Variants in NIBAN1 observed in about 807,000 individuals in gnomAD.
NIBAN1 encodes the protein protein Niban 1.
In NIBAN1, 81 loss-of-function variants were observed where a neutral mutation model predicts 75.1. The observed-to-expected ratio is 1.08, with a 90% CI of 0.90 to 1.30. NIBAN1 has a LOEUF of 1.30. Among genes scored for constraint, NIBAN1 ranks in the 50% most tolerant of loss-of-function variants. The pLI, the probability that NIBAN1 is intolerant of heterozygous loss-of-function variation, is 0.00. For synonymous variants in NIBAN1, 436 were observed against 424.8 expected, an observed-to-expected ratio of 1.03 and a Z score of -0.32; for missense variants, 1,133 against 1,128.1, an observed-to-expected ratio of 1.00 and a Z score of -0.06.
chr1:184,863,653 T>A (rs951173765), intron 5 of NIBAN1, among the ~76,000 whole-genome samples: 1 of 152,206 alleles, frequency 6.6e-6, no homozygotes, highest in Non-Finnish European at 1.5e-5. Flanking sequence ...AAGATTTTTT[T>A]CCTCCCTTCA....
At chr1:184,889,442 C>CT (rs796199257) in intron 4 of NIBAN1, among the ~76,000 whole-genome samples, 16 of 148,962 alleles carry the variant, frequency 1.1e-4, no homozygotes, top group South Asian at 2.1e-4. Context: ...TAATGCAATG[C>CT]TTTTTTTTTT....
In NIBAN1 at chr1:184,818,777, G is replaced by A; in HGVS notation, c.1034C>T (p.Pro345Leu). 1 of 1,610,770 alleles carries A rather than the reference G, an allele frequency of 6.2e-7. No homozygotes were observed. Among genetic ancestry groups the A allele is most frequent in the East Asian group, 2.2e-5 (1 of 44,822 alleles). ...CTCCTCCAGGATGGATGCCAGGAAT[G>A]GCTGCACACTCTCCAAGCAGCTTTT... ...AEKSCLESVQ[P>L]FLASILEELM... The change falls in exon 9 of 14, where the codon CCA becomes CTA. Residue 345 changes from proline to leucine, a missense_variant. Coordinates refer to ENST00000367511, the MANE Select transcript of NIBAN1 (RefSeq NM_052966.4).
rs10658216 is a variant in NIBAN1 at position 184,871,347 on chromosome 1, C to CAAA, written c.601+13283_601+13285dup. Among the ~76,000 whole-genome samples the CAAA allele has an allele frequency of 5.8e-3, 200 of 34,454 alleles. 4 individuals are homozygous for CAAA. Among genetic ancestry groups the CAAA allele is most frequent in the Middle Eastern group, 0.033 (1 of 30 alleles). The allele number at this position is 34,454 out of a possible 152,430, so 22.6% of individuals were successfully genotyped here. A position where few individuals can be genotyped will look rare whatever the true frequency, so the allele number is the denominator to read the frequency against. ...GGGTTACAAGATCAAAACTCTATCT[C>CAAA]AAAAAAAAAAAAAAAAAAAAAAAAA... On this transcript the variant is annotated intron_variant, in intron 5 of 13. Transcript: ENST00000367511.
chr1:184,903,733 C>CTTTTTTTTTT (rs368105582), intron 1 of NIBAN1, among the ~76,000 whole-genome samples: 1 of 99,920 alleles, frequency 1.0e-5, no homozygotes, highest in Admixed American at 1.2e-4. Flanking sequence ...CCGATTAAAC[C>CTTTTTTTTTT]TTTTTTTTTT....
chr1:184,970,060 T>C (rs528342180), intron 1 of NIBAN1, among the ~76,000 whole-genome samples: 30 of 150,484 alleles, frequency 2.0e-4, no homozygotes, highest in Non-Finnish European at 3.7e-4. Context: ...CCCCAGCTAC[T>C]AAGGAGGGTG....
intron 1 of NIBAN1, among the ~76,000 whole-genome samples, chr1:184,914,172 C>T (rs1478661611): frequency 6.6e-6 from 1 of 152,190 alleles, no homozygotes; most frequent in East Asian, 1.9e-4. Flanking sequence ...CAGAAAGGTG[C>T]AGGTCTAAAT....
chr1:184,876,208 A>T (rs937366824), intron 5 of NIBAN1, among the ~76,000 whole-genome samples: 4 of 152,008 alleles, frequency 2.6e-5, no homozygotes, highest in African/African-American at 9.7e-5. Context: ...GAAGTTGATA[A>T]AATTCATCAA....
chr1:184,797,932 T>C, intron 13 of NIBAN1, 147 bp downstream of exon 13: 1 of 464,146 alleles, frequency 2.2e-6, no homozygotes, highest in Non-Finnish European at 3.8e-6. Flanking sequence ...CTTCCTTCTT[T>C]CCTTCCCTCT....
intron 6 of NIBAN1, among the ~76,000 whole-genome samples, chr1:184,831,062 C>A (rs867265179): frequency 6.6e-6 from 1 of 152,026 alleles, no homozygotes; most frequent in Admixed American, 6.6e-5. Context: ...CGTACCCAGC[C>A]TCCTCTTCTT....
In NIBAN1 at chr1:184,923,168, T is replaced by A. The variant is rs60539185; in HGVS notation, c.56-23859A>T. Among the ~76,000 whole-genome samples, 540 of 152,284 alleles carry A rather than the reference T, an allele frequency of 3.5e-3. 1 individual carries two copies. The highest frequency in any genetic ancestry group is 0.012 in the African/African-American group (512 of 41,550). ...CCAATGTCCTAGAGAGTTTCCCTAA[T>A]GTTTTATTTTAGTAGTTTCATACTT... is the stretch of plus-strand genomic sequence containing the variant. On this transcript the variant is annotated intron_variant, in intron 1 of 13. Transcript: ENST00000367511.
intron 3 of NIBAN1, 84 bp downstream of exon 3, chr1:184,893,991 G>A (rs1260656615): frequency 2.9e-6 from 4 of 1,402,418 alleles, no homozygotes; most frequent in African/African-American, 2.9e-5. Flanking sequence ...GTATAGCCTT[G>A]TAGGAAGGAG....
chr1:184,952,195 T>C lies in NIBAN1; in HGVS notation c.55+22107A>G, dbSNP rs1406093460. Among the ~76,000 whole-genome samples the C allele has an allele frequency of 2.6e-5, 4 of 151,756 alleles. No homozygotes were observed. In the East Asian group the frequency reaches 7.7e-4, roughly 29 times the overall value. On this transcript the variant is annotated intron_variant, in intron 1 of 13. Coordinates refer to ENST00000367511, the MANE Select transcript of NIBAN1 (RefSeq NM_052966.4). ...GTGGGCAAGTGCTTGAGTCCAAGAGTTTAAGATCAGCCTGGGCAACATAGC... is the reference window on the plus strand; with the variant it reads ...GTGGGCAAGTGCTTGAGTCCAAGAGCTTAAGATCAGCCTGGGCAACATAGC...
chr1:184,890,675 T>C (rs566894996), intron 3 of NIBAN1, among the ~76,000 whole-genome samples: 2 of 152,346 alleles, frequency 1.3e-5, no homozygotes, highest in East Asian at 3.9e-4. Context: ...GTAGCTGCAA[T>C]GATAGTTACC....
At chr1:184,965,238 G>T (rs1459413977) in intron 1 of NIBAN1, among the ~76,000 whole-genome samples, 2 of 151,928 alleles carry the variant, frequency 1.3e-5, no homozygotes, top group Non-Finnish European at 2.9e-5. Context: ...ATTGGAGCTT[G>T]CAGTGAGCCG....
Position 184,818,661 on chromosome 1 carries a change from T to C in NIBAN1, c.1150A>G (p.Lys384Glu). 1 of 1,609,972 alleles carries C rather than the reference T, an allele frequency of 6.2e-7. No homozygotes were observed. Among genetic ancestry groups the C allele is most frequent in the South Asian group, 1.1e-5 (1 of 90,640 alleles). Residue 384 changes from lysine to glutamate, a missense_variant, in exon 9 of 14, where the codon AAA (lysine) becomes GAA (glutamate). Lys to Glu is a moderately conservative substitution (Grantham distance 56). Transcript: ENST00000367511. ...NEVSQNFQTTKDSVQLKEHLD... is the reference protein window; with the variant it reads ...NEVSQNFQTTEDSVQLKEHLD... ...ACCTCCTTTAGCTGGACACTGTCTT[T>C]GGTGGTCTGGAAGTTCTGGCTGACT...
intron 6 of NIBAN1, among the ~76,000 whole-genome samples, chr1:184,830,623 G>A (rs950612175): frequency 1.3e-5 from 2 of 152,094 alleles, no homozygotes; most frequent in African/African-American, 4.8e-5. Context: ...CAGAGGCAAG[G>A]CACCATTCAG....
intron 9 of NIBAN1, among the ~76,000 whole-genome samples, chr1:184,816,416 T>A (rs1204448094): frequency 6.6e-6 from 1 of 152,192 alleles, no homozygotes; most frequent in Non-Finnish European, 1.5e-5. Flanking sequence ...AAAATGATGG[T>A]AACTGAAAGT....
At chr1:184,920,929 T>C (rs773269805) in intron 1 of NIBAN1, among the ~76,000 whole-genome samples, 2 of 151,596 alleles carry the variant, frequency 1.3e-5, no homozygotes, top group Non-Finnish European at 2.9e-5. Context: ...AGGTCAGGAG[T>C]TCGAGACCTG....
At chr1:184,965,288 G>A (rs1487183029) in intron 1 of NIBAN1, among the ~76,000 whole-genome samples, 1 of 150,528 alleles carries the variant, frequency 6.6e-6, no homozygotes, top group Non-Finnish European at 1.5e-5. Context: ...AACAGAGTGA[G>A]ACTCCATCTC....
Sources: gnomAD v4.1 joint callset for allele counts (sites outside exome capture counted in the v4.1 genomes callset) on GRCh38, gnomAD v4.1.1 for gene constraint, MANE v1.5 for transcripts, NCBI Gene and HGNC (gene_info 2026-07-23, HGNC 2026-07-21) for gene names.